The following ATXN1 variants were observed in gnomAD, a reference collection of about 807,000 sequenced individuals.
The protein encoded by ATXN1 is ataxin-1.
ATXN1 carries 8 observed loss-of-function variants against 56.4 expected under a neutral mutation model. That is an observed-to-expected ratio of 0.14 (90% CI 0.08 to 0.26). The LOEUF (loss-of-function observed/expected upper bound fraction) is 0.26. Among genes scored for constraint, ATXN1 ranks in the 10% least tolerant of loss-of-function variants. The probability of loss-of-function intolerance (pLI) is 1.00; values close to 1 mark genes in which losing one functional copy is unlikely to be tolerated. For missense variants in ATXN1, 987 were observed against 1,106.5 expected (o/e 0.89, Z 1.53); for synonymous variants, 514 against 494.6 (o/e 1.04, Z -0.52).
intron 3 of ATXN1, among the ~76,000 whole-genome samples, chr6:16,655,172 C>A (rs1351071280): frequency 6.6e-6 from 1 of 152,092 alleles, no homozygotes; most frequent in Non-Finnish European, 1.5e-5. Flanking sequence ...AAGTCAGATC[C>A]CCTAAAGAAA....
intron 2 of ATXN1, among the ~76,000 whole-genome samples, chr6:16,729,507 C>T (rs1013510987): frequency 6.6e-6 from 1 of 152,184 alleles, no homozygotes; most frequent in African/African-American, 2.4e-5. Context: ...TGTATTCTTT[C>T]GTTCGAATTT....
chr6:16,312,167 C>T (rs1370481610), intron 7 of ATXN1, among the ~76,000 whole-genome samples: 1 of 152,144 alleles, frequency 6.6e-6, no homozygotes, highest in African/African-American at 2.4e-5. Context: ...TCTGTAGACT[C>T]ATTAAGAAAT....
At chr6:16,665,952 G>A (rs1758415926) in intron 2 of ATXN1, among the ~76,000 whole-genome samples, 1 of 152,126 alleles carries the variant, frequency 6.6e-6, no homozygotes, top group African/African-American at 2.4e-5. Context: ...CAAGGTATTT[G>A]GGATACCCAT....
chr6:16,555,040 T>C (rs971584813), intron 4 of ATXN1, among the ~76,000 whole-genome samples: 4 of 152,234 alleles, frequency 2.6e-5, no homozygotes, highest in African/African-American at 7.2e-5. Flanking sequence ...CATGCTCTAC[T>C]ACAGTTCCCT....
At chr6:16,568,180 CT>C (rs2113747106) in intron 4 of ATXN1, among the ~76,000 whole-genome samples, 1 of 152,306 alleles carries the variant, frequency 6.6e-6, no homozygotes, top group African/African-American at 2.4e-5. Context: ...GCCATGAATC[CT>C]ATTAAAGATA....
intron 6 of ATXN1, among the ~76,000 whole-genome samples, chr6:16,416,335 TAGAG>T (rs1486659979): frequency 6.6e-6 from 1 of 152,210 alleles, no homozygotes; most frequent in Admixed American, 6.5e-5. Flanking sequence ...AAATCTAAAT[TAGAG>T]AGATTTTATT....
intron 6 of ATXN1, among the ~76,000 whole-genome samples, chr6:16,472,096 G>A (rs1316078492): frequency 6.6e-6 from 1 of 152,168 alleles, no homozygotes; most frequent in Non-Finnish European, 1.5e-5. Flanking sequence ...CATACAAAGT[G>A]CAGATGAGTA....
intron 2 of ATXN1, among the ~76,000 whole-genome samples, chr6:16,743,353 T>C (rs922843104): frequency 1.3e-5 from 2 of 152,222 alleles, no homozygotes; most frequent in African/African-American, 2.4e-5. Flanking sequence ...ACCTTTTCAC[T>C]CACTGTGTGA....
intron 6 of ATXN1, among the ~76,000 whole-genome samples, chr6:16,462,341 A>G (rs2113627880): frequency 6.6e-6 from 1 of 152,268 alleles, no homozygotes; most frequent in South Asian, 2.1e-4. Flanking sequence ...GCCTCGATAA[A>G]CCTGTGAACC....
At chr6:16,679,959 T>C (rs1184289657) in intron 2 of ATXN1, among the ~76,000 whole-genome samples, 1 of 152,230 alleles carries the variant, frequency 6.6e-6, no homozygotes, top group Non-Finnish European at 1.5e-5. Context: ...AATAATTTCT[T>C]TTAAAGATAA....
intron 7 of ATXN1, among the ~76,000 whole-genome samples, chr6:16,317,784 G>A (rs559025347): frequency 6.6e-6 from 1 of 152,098 alleles, no homozygotes. Context: ...GTGCTCATCA[G>A]TGTGGTTATA....
chr6:16,619,115 TTTTG>T (rs750011877), intron 3 of ATXN1, among the ~76,000 whole-genome samples: 10 of 152,232 alleles, frequency 6.6e-5, no homozygotes, highest in Admixed American at 3.3e-4. Flanking sequence ...TTGGCAGAGT[TTTTG>T]TTTGTTTCTT....
At chr6:16,640,193 C>T (rs75696115) in intron 3 of ATXN1, among the ~76,000 whole-genome samples, 11,806 of 152,080 alleles carry the variant, frequency 0.078, 1,530 homozygotes, top group African/African-American at 0.27. Context: ...CAAACTTTTG[C>T]GCTGTTATAT....
chr6:16,567,669 A>G lies in ATXN1; in HGVS notation c.-361+18111T>C, dbSNP rs373195102. On this transcript the variant is annotated intron_variant, in intron 4 of 7. Coordinates refer to ENST00000436367, the MANE Select transcript of ATXN1 (RefSeq NM_001128164.2). ...AACAATGAGAAATTTTTACTTGTAT[A>G]TGGATAGTAAGTTCCCTGAGAAGGC... Among the ~76,000 whole-genome samples the G allele has an allele frequency of 3.6e-4, 55 of 151,998 alleles. No homozygotes were observed. The South Asian group carries it at 0.011, about 30-fold the overall frequency.
intron 2 of ATXN1, among the ~76,000 whole-genome samples, chr6:16,706,515 G>C (rs555125567): frequency 8.5e-5 from 13 of 152,086 alleles, no homozygotes; most frequent in Non-Finnish European, 1.6e-4. Context: ...ACGAGGTCAG[G>C]AGTTCAAGAC....
intron 6 of ATXN1, among the ~76,000 whole-genome samples, chr6:16,442,082 CA>C (rs1325709554): frequency 6.6e-6 from 1 of 152,160 alleles, no homozygotes; most frequent in Non-Finnish European, 1.5e-5. Flanking sequence ...TTTGGACACT[CA>C]GGTAAAATGA....
intron 2 of ATXN1, among the ~76,000 whole-genome samples, chr6:16,742,949 C>T (rs1165790861): frequency 1.3e-5 from 2 of 152,194 alleles, no homozygotes; most frequent in Non-Finnish European, 2.9e-5. Context: ...ATAACTATCT[C>T]ACTAGAAACT....
At chr6:16,307,226 C>T (rs989327607) in intron 7 of ATXN1, among the ~76,000 whole-genome samples, 60 of 152,370 alleles carry the variant, frequency 3.9e-4, no homozygotes, top group Non-Finnish European at 1.6e-4. Flanking sequence ...CTGCAGGTGG[C>T]TCACAAGCCC....
intron 2 of ATXN1, among the ~76,000 whole-genome samples, chr6:16,663,025 T>C (rs1758353638): frequency 6.7e-6 from 1 of 149,014 alleles, no homozygotes; most frequent in Admixed American, 6.8e-5. Flanking sequence ...CAGGCTGTAG[T>C]GCAATGGTGC....
Sources: allele counts gnomAD v4.1 joint callset (sites outside exome capture counted in the v4.1 genomes callset), GRCh38; gene constraint gnomAD v4.1.1; transcripts MANE v1.5; gene names NCBI Gene and HGNC (gene_info 2026-07-23, HGNC 2026-07-21).